Variants in SIK3 observed in about 807,000 individuals in gnomAD.
SIK3 encodes the protein serine/threonine-protein kinase SIK3.
Under a neutral mutation model 144.2 loss-of-function variants are expected in SIK3, and 28 were observed. That is an observed-to-expected ratio of 0.19 (90% CI 0.14 to 0.27). SIK3 has a LOEUF of 0.27. Ranked by LOEUF, SIK3 falls within the 10% of genes least tolerant of loss-of-function variation. The pLI is 1.00. For missense variants in SIK3, 1,319 were observed against 1,776.0 expected (o/e 0.74, Z 4.62); for synonymous variants, 686 against 676.3 (o/e 1.01, Z -0.22).
intron 22 of SIK3, among the ~76,000 whole-genome samples, 178 bp downstream of exon 22, chr11:116,848,942 G>A (rs573979298): frequency 2.6e-5 from 4 of 152,252 alleles, no homozygotes; most frequent in South Asian, 2.1e-4. Context: ...CCGCCTGGGC[G>A]ACAGAGTGAG....
At chr11:117,023,230 CCTCT>C (rs1419547512) in intron 1 of SIK3, among the ~76,000 whole-genome samples, 1 of 152,046 alleles carries the variant, frequency 6.6e-6, no homozygotes, top group Non-Finnish European at 1.5e-5. Context: ...ATCCTCAAGG[CCTCT>C]CTGACCATCC....
intron 1 of SIK3, among the ~76,000 whole-genome samples, chr11:117,062,037 A>G (rs557710610): frequency 2.6e-5 from 4 of 152,192 alleles, no homozygotes; most frequent in African/African-American, 7.2e-5. Flanking sequence ...TTAAATAAAA[A>G]AGTCAAGCCA....
At chr11:116,877,947 C>G (rs1273363686) in intron 6 of SIK3, among the ~76,000 whole-genome samples, 1 of 152,142 alleles carries the variant, frequency 6.6e-6, no homozygotes, top group Admixed American at 6.5e-5. Flanking sequence ...TATCATTGTT[C>G]CCATTTTAGG....
intron 1 of SIK3, among the ~76,000 whole-genome samples, chr11:117,017,064 A>G (rs954132923): frequency 6.6e-6 from 1 of 152,258 alleles, no homozygotes; most frequent in African/African-American, 2.4e-5. Context: ...ATATTGTTTA[A>G]AGATGCTTGT....
At chr11:116,964,806 CA>C (rs1949466929) in intron 1 of SIK3, among the ~76,000 whole-genome samples, 1 of 152,094 alleles carries the variant, frequency 6.6e-6, no homozygotes, top group African/African-American at 2.4e-5. Context: ...CGCTTGAACC[CA>C]GGAGGCGGAG....
At chr11:117,094,902 C>T in intron 1 of SIK3, among the ~76,000 whole-genome samples, 1 of 152,086 alleles carries the variant, frequency 6.6e-6, no homozygotes, top group East Asian at 1.9e-4. Context: ...GCTGAACATT[C>T]TCTCCTGGTA....
chr11:116,900,475 C>T (rs992653421), intron 4 of SIK3, among the ~76,000 whole-genome samples: 8 of 152,174 alleles, frequency 5.3e-5, no homozygotes, highest in African/African-American at 1.4e-4. Context: ...GTTACCTCCT[C>T]GCTCAAAAAA....
At chr11:116,966,276 G>C (rs548283020) in intron 1 of SIK3, among the ~76,000 whole-genome samples, 1 of 152,226 alleles carries the variant, frequency 6.6e-6, no homozygotes, top group Non-Finnish European at 1.5e-5. Flanking sequence ...TATGCCTGTA[G>C]TCCTAGTACT....
intron 1 of SIK3, among the ~76,000 whole-genome samples, chr11:117,034,104 G>GCTTTCTTTGAAAA (rs1259489901): frequency 1.2e-4 from 18 of 152,096 alleles, no homozygotes; most frequent in African/African-American, 4.3e-4. Context: ...TAAGATTATG[G>GCTTTCTTTGAAAA]ACAGAAAAAA....
At chr11:116,986,729 A>G (rs548025889) in intron 1 of SIK3, among the ~76,000 whole-genome samples, 2 of 152,326 alleles carry the variant, frequency 1.3e-5, no homozygotes, top group South Asian at 4.1e-4. Flanking sequence ...CAATTTCCAA[A>G]CTGCATTACA....
chr11:116,879,707 A>G (rs960812598), intron 6 of SIK3, among the ~76,000 whole-genome samples: 2 of 152,242 alleles, frequency 1.3e-5, no homozygotes, highest in African/African-American at 4.8e-5. Context: ...TACATCAGGC[A>G]TCAATTTGTT....
rs186761981 is a variant in SIK3, at chr11:116,989,875, G to C, written c.274-32811C>G. On this transcript the variant is annotated intron_variant, in intron 1 of 24. Coordinates refer to ENST00000445177, the MANE Select transcript of SIK3 (RefSeq NM_001366686.3). ...GAAAAGGTAACTAAAAACACACATAGGATTTTAGGTTCAAACACTACTACA... is the reference window on the plus strand; with the variant it reads ...GAAAAGGTAACTAAAAACACACATACGATTTTAGGTTCAAACACTACTACA... Among the ~76,000 whole-genome samples the C allele has an allele frequency of 2.6e-5, 4 of 152,238 alleles. No individual in the cohort carries two copies. The East Asian group carries it at 7.7e-4, about 29-fold the overall frequency.
chr11:116,873,733 G>C (rs1473454052), intron 12 of SIK3, 97 bp from the exon 13 acceptor site: 2 of 1,478,098 alleles, frequency 1.4e-6, no homozygotes, highest in African/African-American at 2.8e-5. Flanking sequence ...GGGAGCCATG[G>C]GTCATGACAG....
At chr11:116,955,150 C>T (rs973954258) in intron 2 of SIK3, among the ~76,000 whole-genome samples, 34 of 152,156 alleles carry the variant, frequency 2.2e-4, no homozygotes, top group Non-Finnish European at 4.6e-4. Flanking sequence ...GTAATCCCAG[C>T]ACTTTGGGAG....
intron 1 of SIK3, among the ~76,000 whole-genome samples, chr11:116,975,959 G>T (rs1181464331): frequency 6.6e-6 from 1 of 152,076 alleles, no homozygotes; most frequent in African/African-American, 2.4e-5. Flanking sequence ...TTTTCCTAAT[G>T]ACTAATGATG....
At chr11:116,892,494 T>C (rs924384391) in intron 6 of SIK3, among the ~76,000 whole-genome samples, 1 of 152,126 alleles carries the variant, frequency 6.6e-6, no homozygotes, top group African/African-American at 2.4e-5. Flanking sequence ...CATTAGAGAA[T>C]TAAAAATTAA....
chr11:116,950,872 T>A (rs1249118101), intron 3 of SIK3, among the ~76,000 whole-genome samples: 1 of 152,212 alleles, frequency 6.6e-6, no homozygotes, highest in East Asian at 1.9e-4. Flanking sequence ...TGTTCTTGAA[T>A]AATGTTCCTT....
chr11:117,091,006 T>G (rs1287227829), intron 1 of SIK3, among the ~76,000 whole-genome samples: 1 of 152,190 alleles, frequency 6.6e-6, no homozygotes, highest in African/African-American at 2.4e-5. Context: ...GCAAGGGCAC[T>G]GTTTTCTGTG....
intron 4 of SIK3, among the ~76,000 whole-genome samples, chr11:116,918,114 G>C (rs1946765949): frequency 6.6e-6 from 1 of 151,834 alleles, no homozygotes; most frequent in Non-Finnish European, 1.5e-5. Flanking sequence ...ATATTTACAG[G>C]GTACATCGTA....
Sources: gnomAD v4.1 joint callset for allele counts (sites outside exome capture counted in the v4.1 genomes callset) on GRCh38, gnomAD v4.1.1 for gene constraint, MANE v1.5 for transcripts, NCBI Gene and HGNC (gene_info 2026-07-23, HGNC 2026-07-21) for gene names.